The following INO80 variants were observed in gnomAD, a reference collection of about 807,000 sequenced individuals.
INO80 encodes the protein chromatin-remodeling ATPase INO80.
A neutral mutation model predicts 203.4 loss-of-function variants in INO80; 20 were observed. The observed-to-expected ratio is 0.10, with a 90% CI of 0.07 to 0.14. INO80 has a LOEUF of 0.14. Ranked by LOEUF, INO80 falls within the 10% of genes least tolerant of loss-of-function variation. The pLI, the probability that INO80 is intolerant of heterozygous loss-of-function variation, is 1.00. For missense variants in INO80, 1,419 were observed against 1,914.4 expected, an observed-to-expected ratio of 0.74 and a Z score of 4.83; for synonymous variants, 726 against 685.2, an observed-to-expected ratio of 1.06 and a Z score of -0.93.
chr15:41,066,546 A>C (rs953580219), intron 14 of INO80, among the ~76,000 whole-genome samples: 7 of 152,008 alleles, frequency 4.6e-5, no homozygotes, highest in Non-Finnish European at 8.8e-5. Context: ...AAAAAAAATC[A>C]AGCCAACTGC....
At chr15:41,087,476 TATA>T in intron 6 of INO80, 83 bp downstream of exon 6, 2 of 1,394,084 alleles carry the variant, frequency 1.4e-6, no homozygotes, top group East Asian at 4.6e-5. Context: ...TATGGACTTA[TATA>T]TAAAGTCCAA....
Position 41,087,821 on chromosome 15 carries a change from G to C in INO80, c.538-139C>G, listed in dbSNP as rs16971468. On this transcript the variant is annotated intron_variant, in intron 5 of 35. Transcript: ENST00000648947. The stretch of plus-strand genomic sequence containing the variant: ...CCCACAAAGAGATCAGTAACATCTA[G>C]TATATCTAAGGGAATCACTTACTTA... 633 of 749,572 alleles carry C rather than the reference G, an allele frequency of 8.4e-4. 1 individual carries two copies. The East Asian group carries it at 0.017, about 20-fold the overall frequency. The allele number at this position is 749,572 out of a possible 1,614,324, so 46.4% of individuals were successfully genotyped here. A position where few individuals can be genotyped will look rare whatever the true frequency, so the allele number is the denominator to read the frequency against.
At chr15:40,983,106 AG>A (rs769551135) in intron 34 of INO80, 29 bp from the exon 35 acceptor site, 38 of 1,551,060 alleles carry the variant, frequency 2.4e-5, no homozygotes, top group South Asian at 1.4e-4. Context: ...CAAAAGGGAA[AG>A]AAAAAAAAAA....
intron 14 of INO80, among the ~76,000 whole-genome samples, chr15:41,065,000 A>C (rs2045184196): frequency 6.6e-6 from 1 of 151,368 alleles, no homozygotes; most frequent in Non-Finnish European, 1.5e-5. Flanking sequence ...CACTGTCTCA[A>C]AAAAAAGGTA....
chr15:41,066,279 AT>A, intron 14 of INO80, among the ~76,000 whole-genome samples: 1 of 151,930 alleles, frequency 6.6e-6, no homozygotes, highest in East Asian at 1.9e-4. Context: ...CACCCGGCCC[AT>A]TTTTTTATAA....
At chr15:41,067,115 C>T (rs1169841978) in intron 14 of INO80, among the ~76,000 whole-genome samples, 2 of 152,034 alleles carry the variant, frequency 1.3e-5, no homozygotes, top group African/African-American at 4.8e-5. Flanking sequence ...CTCACTCTGT[C>T]GCCCAGGCTG....
intron 21 of INO80, among the ~76,000 whole-genome samples, 153 bp from the exon 22 acceptor site, chr15:41,048,429 GCATA>G (rs1302952812): frequency 6.6e-6 from 1 of 152,188 alleles, no homozygotes; most frequent in East Asian, 1.9e-4. Context: ...AAAAATCATA[GCATA>G]CATTTAAAAA....
At chr15:40,995,180 T>G (rs1459583330) in intron 29 of INO80, among the ~76,000 whole-genome samples, 1 of 152,240 alleles carries the variant, frequency 6.6e-6, no homozygotes, top group African/African-American at 2.4e-5. Context: ...TTTGACTTCC[T>G]TCCATTGTTG....
At chr15:41,023,778 A>AC (rs1404171735) in intron 25 of INO80, among the ~76,000 whole-genome samples, 5 of 148,496 alleles carry the variant, frequency 3.4e-5, no homozygotes, top group Non-Finnish European at 7.4e-5. Context: ...CAAAAAAAAA[A>AC]AAAAACAAAA....
intron 19 of INO80, among the ~76,000 whole-genome samples, chr15:41,053,349 C>T (rs1321448302): frequency 6.6e-6 from 1 of 152,136 alleles, no homozygotes; most frequent in African/African-American, 2.4e-5. Flanking sequence ...TCATGATCCG[C>T]CCACCTCAGC....
Position 41,053,953 on chromosome 15 carries a change from A to T in INO80, c.2250T>A (p.Asp750Glu). ...KPFMLRRIKK[D>E]VENELSDKIE... is the part of the protein sequence containing the mutation. ...CCTTGTCAGATAATTCATTTTCCACATCTTTCTTGATTCTCCTCAGCATAA... is the reference window on the plus strand; with the variant it reads ...CCTTGTCAGATAATTCATTTTCCACTTCTTTCTTGATTCTCCTCAGCATAA... The change falls in exon 19 of 36, where the codon GAT (aspartate) becomes GAA (glutamate). Residue 750 changes from aspartate (D) to glutamate (E), a missense_variant. By Grantham distance (45) the Asp-to-Glu change is conservative. Around this residue, in one of 9 missense-constraint regions of INO80, gnomAD observed 192 missense variants for 406.7 expected, o/e 0.47. Coordinates refer to ENST00000648947, the MANE Select transcript of INO80 (RefSeq NM_017553.3). The T allele has an allele frequency of 6.2e-7, 1 of 1,613,822 alleles. No homozygotes were observed. The highest frequency in any genetic ancestry group is 8.5e-7 in the Non-Finnish European group (1 of 1,179,836).
At chr15:41,042,267 T>C (rs1331222489) in intron 24 of INO80, among the ~76,000 whole-genome samples, 1 of 151,598 alleles carries the variant, frequency 6.6e-6, no homozygotes, top group Non-Finnish European at 1.5e-5. Context: ...GCCCACCTCA[T>C]CCTCCCCAAG....
chr15:41,073,344 A>C, intron 11 of INO80, 84 bp downstream of exon 11: 1 of 1,115,918 alleles, frequency 9.0e-7, no homozygotes, highest in Non-Finnish European at 1.4e-6. Flanking sequence ...AATGTGATTA[A>C]GACTAAAGGA....
At chr15:41,047,053 C>T (rs572310542) in intron 23 of INO80, among the ~76,000 whole-genome samples, 2 of 151,914 alleles carry the variant, frequency 1.3e-5, no homozygotes, top group Non-Finnish European at 2.9e-5. Context: ...CGGCAACCTC[C>T]ACTTCCCAGG....
chr15:41,059,779 T>A (rs953953901), intron 15 of INO80, 88 bp downstream of exon 15: 1 of 847,530 alleles, frequency 1.2e-6, no homozygotes, highest in Non-Finnish European at 1.8e-6. Context: ...ATAAGAAGAT[T>A]TTTGTCTAAA....
At chr15:41,001,264 A>T (rs1156640625) in intron 28 of INO80, among the ~76,000 whole-genome samples, 1 of 152,184 alleles carries the variant, frequency 6.6e-6, no homozygotes, top group Admixed American at 6.5e-5. Flanking sequence ...AACAGACCTT[A>T]AAGACTAGGC....
intron 1 of INO80, 134 bp downstream of exon 1, chr15:41,115,839 C>G: frequency 2.7e-6 from 1 of 370,934 alleles, no homozygotes; most frequent in Non-Finnish European, 4.8e-6. Flanking sequence ...ATCCTCCATA[C>G]TAACCCCAAC....
In INO80 at chr15:41,083,628, C is replaced by T. The variant is rs183148895; in HGVS notation, c.873+1741G>A. On this transcript the variant is annotated intron_variant, in intron 7 of 35. Transcript: ENST00000648947. ...ACTTGGGAGGCAGAAGTGGGAGAAT[C>T]GCTGAAACCCAGGAGGCAGAGGTTG... 1.5e-4 allele frequency among the ~76,000 whole-genome samples: 22 copies of T among 149,456 alleles called. No individual in the cohort carries two copies. The East Asian group carries it at 4.2e-3, about 29-fold the overall frequency.
chr15:41,014,514 T>C (rs976997780), intron 27 of INO80, among the ~76,000 whole-genome samples: 2 of 152,198 alleles, frequency 1.3e-5, no homozygotes, highest in African/African-American at 4.8e-5. Flanking sequence ...ATATTTAACA[T>C]AGTTAATATA....
Sources: allele counts gnomAD v4.1 joint callset (sites outside exome capture counted in the v4.1 genomes callset), GRCh38; gene constraint gnomAD v4.1.1; regional missense constraint gnomAD v4.1.1; transcripts MANE v1.5; gene names NCBI Gene and HGNC (gene_info 2026-07-23, HGNC 2026-07-21).